The following PLCXD3 variants were observed in gnomAD, a reference collection of about 807,000 sequenced individuals.
PLCXD3 encodes PI-PLC X domain-containing protein 3.
A neutral mutation model predicts 25.5 loss-of-function variants in PLCXD3; 19 were observed. The ratio of observed to expected loss-of-function variants is 0.75; its 90% confidence interval spans 0.52 to 1.09. The LOEUF (loss-of-function observed/expected upper bound fraction) is 1.09. Among genes scored for constraint, PLCXD3 ranks in the 50% least tolerant of loss-of-function variants. The pLI, the probability that PLCXD3 is intolerant of heterozygous loss-of-function variation, is 0.00. For missense variants in PLCXD3, 411 were observed against 388.1 expected, an observed-to-expected ratio of 1.06 and a Z score of -0.50; for synonymous variants, 174 against 137.6, an observed-to-expected ratio of 1.26 and a Z score of -1.85.
intron 1 of PLCXD3, among the ~76,000 whole-genome samples, chr5:41,420,923 A>T (rs1746805664): frequency 6.6e-6 from 1 of 152,160 alleles, no homozygotes; most frequent in Non-Finnish European, 1.5e-5. Flanking sequence ...AGATAATAAA[A>T]TGCTACTATT....
At chr5:41,502,146 T>C (rs1371549816) in intron 1 of PLCXD3, among the ~76,000 whole-genome samples, 1 of 152,074 alleles carries the variant, frequency 6.6e-6, no homozygotes, top group African/African-American at 2.4e-5. Flanking sequence ...TTTGAGTGGA[T>C]GGGATCCAGA....
intron 1 of PLCXD3, among the ~76,000 whole-genome samples, chr5:41,496,620 C>T (rs1561290860): frequency 1.6e-5 from 2 of 123,494 alleles, no homozygotes; most frequent in East Asian, 2.1e-4. Context: ...TAAAGCTTTT[C>T]CCAGACCAAA....
chr5:41,454,688 A>T (rs1164583903), intron 1 of PLCXD3, among the ~76,000 whole-genome samples: 1 of 151,982 alleles, frequency 6.6e-6, no homozygotes, highest in Non-Finnish European at 1.5e-5. Flanking sequence ...ATGGAAGCAG[A>T]GACTAGAGTT....
intron 1 of PLCXD3, among the ~76,000 whole-genome samples, chr5:41,465,980 C>T (rs955820191): frequency 2.0e-5 from 3 of 152,070 alleles, no homozygotes; most frequent in Admixed American, 6.6e-5. Flanking sequence ...GTCATTTTTA[C>T]CTTTTCTCAC....
At chr5:41,474,678 T>C (rs1748241221) in intron 1 of PLCXD3, among the ~76,000 whole-genome samples, 1 of 152,200 alleles carries the variant, frequency 6.6e-6, no homozygotes, top group Non-Finnish European at 1.5e-5. Flanking sequence ...TAAGCAACAG[T>C]TGAGCAACAT....
rs16871228 is a variant in PLCXD3, at chr5:41,336,368, G to A, written c.813-22598C>T. Among the ~76,000 whole-genome samples the A allele has an allele frequency of 3.1e-3, 475 of 152,222 alleles. 12 individuals carry two copies. Among genetic ancestry groups the A allele is most frequent in the East Asian group, 0.03 (153 of 5,184 alleles). ...AATGAAATAAAGCATATAAAATTTC[G>A]TAAAATACCCAAGAGATAAGAACTC... On this transcript the variant is annotated intron_variant, in intron 2 of 2. Coordinates refer to ENST00000377801, the MANE Select transcript of PLCXD3 (RefSeq NM_001005473.3).
At chr5:41,448,175 A>G (rs1000126780) in intron 1 of PLCXD3, among the ~76,000 whole-genome samples, 3 of 152,190 alleles carry the variant, frequency 2.0e-5, no homozygotes, top group African/African-American at 4.8e-5. Context: ...AATGCATCTG[A>G]CAAGATGCTC....
intron 1 of PLCXD3, among the ~76,000 whole-genome samples, chr5:41,391,414 A>G (rs756748214): frequency 1.3e-5 from 2 of 152,120 alleles, no homozygotes; most frequent in Non-Finnish European, 2.9e-5. Context: ...TGAGGTCCCC[A>G]TTTCAGCTCT....
At position 41,496,466 on chromosome 5, in the gene PLCXD3, AG is replaced by A. The variant is rs529877223; in HGVS notation, c.103+13957del. ...GGAATTTTTAAAATAACAGGAGAAA[AG>A]TGACTAGTCACATACAAGGAAAATT... is the stretch of plus-strand genomic sequence containing the variant. On this transcript the variant is annotated intron_variant, in intron 1 of 2. Transcript: ENST00000377801. Among the ~76,000 whole-genome samples, 51 of 152,126 alleles carry A rather than the reference AG, an allele frequency of 3.4e-4. 1 individual carries two copies. Among genetic ancestry groups the A allele is most frequent in the Non-Finnish European group, 7.4e-5 (5 of 67,908 alleles).
intron 2 of PLCXD3, among the ~76,000 whole-genome samples, chr5:41,380,973 A>G (rs1745440246): frequency 6.6e-6 from 1 of 152,168 alleles, no homozygotes; most frequent in Non-Finnish European, 1.5e-5. Flanking sequence ...CCACTTTCTC[A>G]GGGTAACCAT....
At chr5:41,358,872 T>C (rs896374638) in intron 2 of PLCXD3, among the ~76,000 whole-genome samples, 2 of 152,220 alleles carry the variant, frequency 1.3e-5, no homozygotes, top group Non-Finnish European at 2.9e-5. Flanking sequence ...ATGGCTTTTA[T>C]TACACTAAGG....
intron 2 of PLCXD3, among the ~76,000 whole-genome samples, chr5:41,375,974 T>G (rs966095373): frequency 6.6e-6 from 1 of 152,152 alleles, no homozygotes; most frequent in African/African-American, 2.4e-5. Context: ...ATACCTAATT[T>G]GTAAGGATGC....
intron 1 of PLCXD3, among the ~76,000 whole-genome samples, chr5:41,407,635 T>C (rs914890678): frequency 6.6e-6 from 1 of 152,188 alleles, no homozygotes; most frequent in African/African-American, 2.4e-5. Context: ...ACAATATGTA[T>C]CACAATCTAC....
rs1580374736 is a variant in PLCXD3, at chr5:41,440,482, C to T, written c.104-57948G>A. Among the ~76,000 whole-genome samples the T allele has an allele frequency of 2.6e-5, 4 of 152,096 alleles. No homozygotes were observed. The South Asian group carries it at 8.3e-4, about 32-fold the overall frequency. ...TCCTGACCTCAGATGATCCACCTGC[C>T]TTGGCCTCCCAAAGTGCTGGGATTA... On this transcript the variant is annotated intron_variant, in intron 1 of 2. Transcript: ENST00000377801.
rs1248830262 is a variant in PLCXD3 at position 41,381,988 on chromosome 5, G to T, written c.650C>A (p.Ala217Asp). Reference protein sequence around the residue: ...WPGQMMPAPWANTTDPEKLIQ... With the variant: ...WPGQMMPAPWDNTTDPEKLIQ... ...CAGTTTCTCGGGGTCTGTGGTGTTG[G>T]CCCAGGGTGCTGGCATCATCTGCCC... is the stretch of plus-strand genomic sequence containing the variant. The change falls in exon 2 of 3, where the codon GCC becomes GAC. Residue 217 changes from alanine to aspartate, a missense_variant. Transcript: ENST00000377801. The T allele has an allele frequency of 1.2e-6, 2 of 1,613,432 alleles. No individual in the cohort carries two copies. The highest frequency in any genetic ancestry group is 1.7e-6 in the Non-Finnish European group (2 of 1,179,706).
chr5:41,340,624 C>A (rs1354218530), intron 2 of PLCXD3, among the ~76,000 whole-genome samples: 1 of 152,138 alleles, frequency 6.6e-6, no homozygotes, highest in Non-Finnish European at 1.5e-5. Context: ...TTTACCAACA[C>A]TGACCCCAGG....
At chr5:41,362,770 G>T (rs573072652) in intron 2 of PLCXD3, among the ~76,000 whole-genome samples, 1 of 152,290 alleles carries the variant, frequency 6.6e-6, no homozygotes, top group South Asian at 2.1e-4. Flanking sequence ...AACCAACCAT[G>T]TAGTTTATTA....
intron 1 of PLCXD3, among the ~76,000 whole-genome samples, chr5:41,458,412 T>A (rs534485961): frequency 6.6e-6 from 1 of 152,060 alleles, no homozygotes; most frequent in South Asian, 2.1e-4. Context: ...GATGGAGAAA[T>A]GTGACCAGGC....
chr5:41,347,618 GT>G (rs1041469283), intron 2 of PLCXD3, among the ~76,000 whole-genome samples: 2 of 152,170 alleles, frequency 1.3e-5, no homozygotes, highest in Non-Finnish European at 2.9e-5. Context: ...ACCTATAGTT[GT>G]TTTTTATTAT....
Sources: allele counts gnomAD v4.1 joint callset (sites outside exome capture counted in the v4.1 genomes callset), GRCh38; gene constraint gnomAD v4.1.1; transcripts MANE v1.5; gene names NCBI Gene and HGNC (gene_info 2026-07-23, HGNC 2026-07-21).